VWA3B: variants seen among roughly 807,000 people sequenced by gnomAD.
The protein encoded by VWA3B is von Willebrand factor A domain-containing protein 3B.
Under a neutral mutation model 158.3 loss-of-function variants are expected in VWA3B, and 138 were observed. The observed-to-expected ratio is 0.87, with a 90% confidence interval of 0.76 to 1.00. The LOEUF (loss-of-function observed/expected upper bound fraction) is 1.00, where lower values mean the gene tolerates loss of function less well. VWA3B is among the 50% of genes least tolerant of loss of function. VWA3B has a pLI of 0.00. For missense variants in VWA3B, 1,555 were observed against 1,565.1 expected, an observed-to-expected ratio of 0.99 and a Z score of 0.11; for synonymous variants, 596 against 587.3, an observed-to-expected ratio of 1.01 and a Z score of -0.21.
chr2:98,300,462 C>G (rs569247280), intron 25 of VWA3B, among the ~76,000 whole-genome samples: 2 of 152,180 alleles, frequency 1.3e-5, no homozygotes, highest in Non-Finnish European at 2.9e-5. Flanking sequence ...TTGCATTTGA[C>G]GGACTGGCAG....
chr2:98,251,971 A>G (rs1686825920), intron 20 of VWA3B, among the ~76,000 whole-genome samples: 1 of 152,132 alleles, frequency 6.6e-6, no homozygotes, highest in Admixed American at 6.5e-5. Context: ...AGGATGAGCT[A>G]TTCAAGGCTC....
rs148619678 is a variant in VWA3B at position 98,168,376 on chromosome 2, T to TACACACAC, written c.1114+5426_1114+5433dup. 7.2e-3 allele frequency among the ~76,000 whole-genome samples: 1,052 copies of TACACACAC among 145,618 alleles called. 3 individuals are homozygous for TACACACAC. The highest frequency in any genetic ancestry group is 0.01 in the Non-Finnish European group (674 of 66,312). On this transcript the variant is annotated intron_variant, in intron 8 of 27. Transcript: ENST00000477737. ...TTTGTTTCAATCTAATACACACACATACACACACACACACACACACACACA... is the reference window on the plus strand; with the variant it reads ...TTTGTTTCAATCTAATACACACACATACACACACACACACACACACACACACACACACA...
intron 22 of VWA3B, among the ~76,000 whole-genome samples, chr2:98,284,299 A>G (rs1376939429): frequency 1.3e-5 from 2 of 152,046 alleles, no homozygotes; most frequent in Non-Finnish European, 2.9e-5. Context: ...GAGGTTATAA[A>G]CCGTATTTCC....
At chr2:98,268,281 A>G (rs1687975480) in intron 21 of VWA3B, among the ~76,000 whole-genome samples, 1 of 152,076 alleles carries the variant, frequency 6.6e-6, no homozygotes, top group African/African-American at 2.4e-5. Context: ...CATTGATGCA[A>G]AAATCCTCAA....
intron 8 of VWA3B, among the ~76,000 whole-genome samples, chr2:98,165,204 C>A (rs1678965779): frequency 6.6e-6 from 1 of 152,184 alleles, no homozygotes; most frequent in African/African-American, 2.4e-5. Context: ...GTTTAAGGCT[C>A]CTTATGAGCG....
intron 11 of VWA3B, 143 bp from the exon 12 acceptor site, chr2:98,194,218 G>A: frequency 1.5e-6 from 1 of 683,404 alleles, no homozygotes. Flanking sequence ...TACTAGATAG[G>A]ATATTCTCTA....
chr2:98,171,922 GCTT>G (rs1679620470), intron 8 of VWA3B, among the ~76,000 whole-genome samples: 1 of 152,140 alleles, frequency 6.6e-6, no homozygotes, highest in Non-Finnish European at 1.5e-5. Context: ...GGAGTGGCTC[GCTT>G]CTTTAGTGCC....
chr2:98,143,791 C>T (rs905168106), intron 7 of VWA3B, among the ~76,000 whole-genome samples: 1 of 147,548 alleles, frequency 6.8e-6, no homozygotes, highest in African/African-American at 2.5e-5. Context: ...TGCTGTGTCA[C>T]CCAGACTGGA....
chr2:98,256,124 G>A lies in VWA3B; in HGVS notation c.2793G>A (p.Lys931=), dbSNP rs574931391. 1.9e-6 allele frequency: 3 copies of A among 1,612,776 alleles called. No homozygotes were observed. Among genetic ancestry groups the A allele is most frequent in the South Asian group, 2.2e-5 (2 of 90,896 alleles). ...KVEQAIQSYE[K]RLNKIVWRAL... ...ATTGTTGACTTTTTTTTTTTAACAG[G>A]CGCTTGAATAAAATTGTTTGGCGAG... is the stretch of plus-strand genomic sequence containing the variant. Residue 931 remains lysine (K), a splice_region_variant and synonymous_variant, in exon 21 of 28, where the codon AAG becomes AAA. Transcript: ENST00000477737.
chr2:98,119,846 C>G (rs903644063), intron 4 of VWA3B, 83 bp downstream of exon 4: 7 of 1,491,550 alleles, frequency 4.7e-6, no homozygotes, highest in Non-Finnish European at 6.4e-6. Context: ...ACAGCTGACA[C>G]AGTTAGCTCT....
intron 7 of VWA3B, 152 bp downstream of exon 7, chr2:98,134,091 G>A: frequency 3.0e-6 from 2 of 663,648 alleles, no homozygotes; most frequent in East Asian, 5.4e-5. Flanking sequence ...ATGGATATTA[G>A]TGGTGAGTTT....
chr2:98,112,669 G>T (rs956526954), intron 2 of VWA3B, among the ~76,000 whole-genome samples: 11 of 151,344 alleles, frequency 7.3e-5, no homozygotes, highest in African/African-American at 2.4e-4. Flanking sequence ...GAGCTTCTTG[G>T]ATCTGTAGGG....
intron 13 of VWA3B, among the ~76,000 whole-genome samples, chr2:98,212,855 T>C (rs1683648386): frequency 6.6e-6 from 1 of 152,188 alleles, no homozygotes; most frequent in Admixed American, 6.5e-5. Flanking sequence ...TTGGAAGCAG[T>C]TCATCGTGTC....
At chr2:98,130,960 A>T (rs1432673966) in intron 6 of VWA3B, among the ~76,000 whole-genome samples, 2 of 152,206 alleles carry the variant, frequency 1.3e-5, no homozygotes, top group Non-Finnish European at 2.9e-5. Context: ...GGCTATTGTG[A>T]AATATAAAAT....
At chr2:98,238,795 G>A (rs796091804) in intron 19 of VWA3B, among the ~76,000 whole-genome samples, 4 of 152,050 alleles carry the variant, frequency 2.6e-5, no homozygotes, top group South Asian at 2.1e-4. Context: ...ATAAAGCACC[G>A]TGTTTGTATG....
In VWA3B at chr2:98,303,786, C is replaced by T. The variant is rs1690346873; in HGVS notation, c.3505C>T (p.Pro1169Ser). The part of the protein sequence containing the change: ...SCSHIKSPPI[P>S]EDPEVEDVEA... ...CTCTCATATAAAGTCACCCCCAATT[C>T]CTGAGGATCCAGAAGTGTAAGTGTA... The change falls in exon 26 of 28, where the codon CCT becomes TCT. Residue 1169 changes from proline to serine, a missense_variant. Physicochemically the swap from Pro to Ser is moderately conservative, Grantham distance 74 (BLOSUM62 -1). Transcript: ENST00000477737. The T allele has an allele frequency of 6.2e-7, 1 of 1,614,078 alleles. No homozygotes were observed. The highest frequency in any genetic ancestry group is 8.5e-7 in the Non-Finnish European group (1 of 1,180,004).
In VWA3B at chr2:98,178,041, A is replaced by G. The variant is rs973975736; in HGVS notation, c.1115-2975A>G. Among the ~76,000 whole-genome samples the G allele has an allele frequency of 4.6e-5, 7 of 152,272 alleles. No homozygotes were observed. The South Asian group carries it at 1.5e-3, about 32-fold the overall frequency. ...CAGAAACACAATGAATGGGAATATA[A>G]TTAATAATAATTGAAGAAAATGTCA... On this transcript the variant is annotated intron_variant, in intron 8 of 27. Transcript: ENST00000477737.
chr2:98,303,631 A>G lies in VWA3B; in HGVS notation c.3421-71A>G, dbSNP rs1690334956. On this transcript the variant is annotated intron_variant, in intron 25 of 27. Transcript: ENST00000477737. The stretch of plus-strand genomic sequence containing the variant: ...AGAAGCTATTATAATGGGTTGAGCT[A>G]GAATAAAATTGTATCTGAATTGTGG... 6 of 1,412,502 alleles carry G rather than the reference A, an allele frequency of 4.2e-6. No individual in the cohort carries two copies. In the Admixed American group the frequency reaches 8.7e-5, roughly 20 times the overall value. The allele number at this position is 1,412,502 out of a possible 1,614,324, so 87.5% of individuals were successfully genotyped here. A position where few individuals can be genotyped will look rare whatever the true frequency, so the allele number is the denominator to read the frequency against.
chr2:98,205,338 T>C (rs1313485731), intron 12 of VWA3B, among the ~76,000 whole-genome samples: 2 of 152,230 alleles, frequency 1.3e-5, no homozygotes, highest in African/African-American at 4.8e-5. Context: ...TAATATTCTC[T>C]TATTGTCCTG....
Sources: allele counts gnomAD v4.1 joint callset (sites outside exome capture counted in the v4.1 genomes callset), GRCh38; gene constraint gnomAD v4.1.1; transcripts MANE v1.5; gene names NCBI Gene and HGNC (gene_info 2026-07-23, HGNC 2026-07-21).